The following LMCD1 variants were observed in gnomAD, a reference collection of about 807,000 sequenced individuals.
The protein encoded by LMCD1 is LIM and cysteine-rich domains protein 1.
LMCD1 carries 32 observed loss-of-function variants against 42.7 expected under a neutral mutation model. That is an observed-to-expected ratio of 0.75 (90% CI 0.57 to 1.01). The LOEUF (loss-of-function observed/expected upper bound fraction) is 1.01, where lower values mean the gene tolerates loss of function less well. Ranked by LOEUF, LMCD1 falls within the 50% of genes least tolerant of loss-of-function variation. The pLI, the probability that LMCD1 is intolerant of heterozygous loss-of-function variation, is 0.00. For missense variants in LMCD1, 458 were observed against 483.1 expected, an observed-to-expected ratio of 0.95 and a Z score of 0.49; for synonymous variants, 178 against 184.9, an observed-to-expected ratio of 0.96 and a Z score of 0.30.
chr3:8,537,438 C>G lies in LMCD1; in HGVS notation c.385C>G (p.Leu129Val), dbSNP rs1174921235. 6.4e-7 allele frequency: 1 copy of G among 1,569,388 alleles called. No individual in the cohort carries two copies. The highest frequency in any genetic ancestry group is 2.3e-5 in the East Asian group (1 of 44,230). ...GGCTCCCCCTGGAGTCACCCAGAAA[C>G]TGGTAAGAGAGCTTCCCCAACCAAG... ...EWAPPGVTQK[L>V]GLQYMELIPK... Residue 129 changes from leucine to valine, a missense_variant and splice_region_variant, in exon 3 of 6, where the codon CTG becomes GTG. Coordinates refer to ENST00000157600, the MANE Select transcript of LMCD1 (RefSeq NM_014583.4).
intron 4 of LMCD1, among the ~76,000 whole-genome samples, chr3:8,561,795 T>C (rs943234707): frequency 3.3e-5 from 5 of 152,180 alleles, no homozygotes; most frequent in Admixed American, 2.0e-4. Flanking sequence ...GTAATAGTAA[T>C]GCGAGCAAAG....
chr3:8,554,709 A>G (rs958484231), intron 4 of LMCD1, among the ~76,000 whole-genome samples: 3 of 152,270 alleles, frequency 2.0e-5, no homozygotes, highest in Middle Eastern at 3.4e-3. Context: ...TGGGTGGGCA[A>G]TGATCTTCAT....
At chr3:8,549,605 G>A (rs1694803276) in intron 4 of LMCD1, among the ~76,000 whole-genome samples, 2 of 152,202 alleles carry the variant, frequency 1.3e-5, no homozygotes, top group Non-Finnish European at 2.9e-5. Context: ...GAGGTACATG[G>A]TCCATGCTGT....
chr3:8,532,676 C>T (rs1315571116), intron 1 of LMCD1, 61 bp from the exon 2 acceptor site: 4 of 1,463,754 alleles, frequency 2.7e-6, no homozygotes, highest in Middle Eastern at 1.7e-4. Flanking sequence ...TTTTAGAGGT[C>T]AAGCATCTCC....
chr3:8,531,852 G>A (rs1182710812), intron 1 of LMCD1, among the ~76,000 whole-genome samples: 1 of 152,128 alleles, frequency 6.6e-6, no homozygotes, highest in Admixed American at 6.5e-5. Context: ...CCTGCTTCAG[G>A]TGAAATCATA....
intron 1 of LMCD1, among the ~76,000 whole-genome samples, chr3:8,523,634 G>A (rs146056316): frequency 2.0e-5 from 3 of 152,372 alleles, no homozygotes; most frequent in Non-Finnish European, 2.9e-5. Flanking sequence ...TGAGCAAGAA[G>A]CCAAAGGATA....
chr3:8,567,740 G>A lies in LMCD1; in HGVS notation c.*142G>A, dbSNP rs1186145668. ...TGCTTTTCAGTGAGAATATATATAT[G>A]AGATATATATAGATATATATTCTAG... On this transcript the variant is annotated 3_prime_UTR_variant, in exon 6 of 6. Coordinates refer to ENST00000157600, the MANE Select transcript of LMCD1 (RefSeq NM_014583.4). 4 of 771,400 alleles carry A rather than the reference G, an allele frequency of 5.2e-6. No individual in the cohort carries two copies. Among genetic ancestry groups the A allele is most frequent in the East Asian group, 2.8e-5 (1 of 36,350 alleles). The allele number at this position is 771,400 out of a possible 1,614,324, so 47.8% of individuals were successfully genotyped here.
At chr3:8,560,334 C>T (rs1695010534) in intron 4 of LMCD1, among the ~76,000 whole-genome samples, 1 of 152,180 alleles carries the variant, frequency 6.6e-6, no homozygotes, top group Non-Finnish European at 1.5e-5. Context: ...GGGTTCAAAG[C>T]CACCCATGAT....
At chr3:8,544,279 G>A (rs1321126605) in intron 3 of LMCD1, among the ~76,000 whole-genome samples, 1 of 152,128 alleles carries the variant, frequency 6.6e-6, no homozygotes, top group Non-Finnish European at 1.5e-5. Context: ...TTCTCAGTCT[G>A]ACATAGAGAG....
chr3:8,564,637 T>A (rs1303764616), intron 4 of LMCD1, among the ~76,000 whole-genome samples: 2 of 152,180 alleles, frequency 1.3e-5, no homozygotes, highest in African/African-American at 4.8e-5. Context: ...CCATTCAAAG[T>A]GCAAGGTAAA....
At chr3:8,505,889 C>G (rs1439407329) in intron 1 of LMCD1, among the ~76,000 whole-genome samples, 1 of 152,228 alleles carries the variant, frequency 6.6e-6, no homozygotes, top group African/African-American at 2.4e-5. Context: ...AAACACAGCT[C>G]CTCGTGAATT....
At chr3:8,556,934 G>A (rs1052793807) in intron 4 of LMCD1, among the ~76,000 whole-genome samples, 8 of 152,204 alleles carry the variant, frequency 5.3e-5, no homozygotes, top group African/African-American at 1.9e-4. Flanking sequence ...AATGTAAGGT[G>A]AAGGGGTCAG....
chr3:8,524,874 G>A (rs1046113192), intron 1 of LMCD1, among the ~76,000 whole-genome samples: 1 of 151,938 alleles, frequency 6.6e-6, no homozygotes, highest in South Asian at 2.1e-4. Flanking sequence ...CTGTAGAGAT[G>A]AGGTGTCACT....
In LMCD1 at chr3:8,570,106, C is replaced by T. The variant is rs1043709423; in HGVS notation, c.*2508C>T. ...GGAAGCCCCACCAGTTTATTCAACA[C>T]CTATTTGCTGGTGTTGGAGATACAG... is the stretch of plus-strand genomic sequence containing the variant. On this transcript the variant is annotated 3_prime_UTR_variant, in exon 6 of 6. Coordinates refer to ENST00000157600, the MANE Select transcript of LMCD1 (RefSeq NM_014583.4). 1 of 152,370 alleles carries T rather than the reference C, an allele frequency of 6.6e-6. No homozygotes were observed. Among genetic ancestry groups the T allele is most frequent in the African/African-American group, 2.4e-5 (1 of 41,390 alleles). The allele number at this position is 152,370 out of a possible 1,614,324, so 9.4% of individuals were successfully genotyped here.
At chr3:8,515,573 A>G (rs1211978674) in intron 1 of LMCD1, among the ~76,000 whole-genome samples, 1 of 152,218 alleles carries the variant, frequency 6.6e-6, no homozygotes, top group Non-Finnish European at 1.5e-5. Context: ...CTCCTTGAGA[A>G]CAGAGACCAT....
chr3:8,524,967 G>A (rs1172670925), intron 1 of LMCD1, among the ~76,000 whole-genome samples: 1 of 151,964 alleles, frequency 6.6e-6, no homozygotes, highest in Non-Finnish European at 1.5e-5. Flanking sequence ...TTATAGACGT[G>A]GGCCACCGAG....
In LMCD1 at chr3:8,519,750, A is replaced by G. The variant is rs183434547; in HGVS notation, c.43-12987A>G. Among the ~76,000 whole-genome samples the G allele has an allele frequency of 4.7e-3, 715 of 151,644 alleles. 8 individuals carry two copies. The highest frequency in any genetic ancestry group is 0.012 in the Admixed American group (183 of 15,254). On this transcript the variant is annotated intron_variant, in intron 1 of 5. Coordinates refer to ENST00000157600, the MANE Select transcript of LMCD1 (RefSeq NM_014583.4). ...TAAAAACATATGATAGCAAAAAAAA[A>G]AAAAGAAAAGAAAAGAAAAAGGAGT...
chr3:8,567,753 A>T lies in LMCD1; in HGVS notation c.*155A>T. On this transcript the variant is annotated 3_prime_UTR_variant, in exon 6 of 6. Coordinates refer to ENST00000157600, the MANE Select transcript of LMCD1 (RefSeq NM_014583.4). ...GAATATATATATGAGATATATATAG[A>T]TATATATTCTAGGTTGGGTGGTGGT... is the stretch of plus-strand genomic sequence containing the variant. 2 of 608,734 alleles carry T rather than the reference A, an allele frequency of 3.3e-6. No individual in the cohort carries two copies. The highest frequency in any genetic ancestry group is 7.0e-5 in the South Asian group (2 of 28,600). 37.7% of individuals were successfully genotyped at this position (608,734 alleles called of 1,614,324 possible).
chr3:8,523,527 A>G (rs1042930108), intron 1 of LMCD1, among the ~76,000 whole-genome samples: 1 of 152,234 alleles, frequency 6.6e-6, no homozygotes, highest in African/African-American at 2.4e-5. Flanking sequence ...GTGGGCTGCA[A>G]GTCTCACTCT....
Sources: allele counts gnomAD v4.1 joint callset (sites outside exome capture counted in the v4.1 genomes callset), GRCh38; gene constraint gnomAD v4.1.1; transcripts MANE v1.5; gene names NCBI Gene and HGNC (gene_info 2026-07-23, HGNC 2026-07-21).